The following EBF3 variants were observed in gnomAD, a reference collection of about 807,000 sequenced individuals.
EBF3 encodes EBF transcription factor 3.
In EBF3, 18 loss-of-function variants were observed where a neutral mutation model predicts 77.1. That is an observed-to-expected ratio of 0.23 (90% CI 0.16 to 0.35). The LOEUF (loss-of-function observed/expected upper bound fraction) is 0.35. Ranked by LOEUF, EBF3 falls within the 10% of genes least tolerant of loss-of-function variation. The pLI, the probability that EBF3 is intolerant of heterozygous loss-of-function variation, is 1.00. For synonymous variants in EBF3, 350 were observed against 343.5 expected (o/e 1.02, Z -0.21); for missense variants, 558 against 860.0 (o/e 0.65, Z 4.39).
chr10:129,929,766 A>G (rs1856886711), intron 6 of EBF3, among the ~76,000 whole-genome samples: 1 of 152,214 alleles, frequency 6.6e-6, no homozygotes, highest in African/African-American at 2.4e-5. Flanking sequence ...TTCTGCACCC[A>G]ACTCTGAGAG....
At chr10:129,921,251 C>T (rs79904181) in intron 6 of EBF3, among the ~76,000 whole-genome samples, 2,451 of 152,232 alleles carry the variant, frequency 0.016, 85 homozygotes, top group African/African-American at 0.056. Flanking sequence ...GCACGACTGA[C>T]GGCGGGGGTG....
chr10:129,862,319 G>T (rs762558096), intron 10 of EBF3, among the ~76,000 whole-genome samples: 9 of 152,102 alleles, frequency 5.9e-5, no homozygotes, highest in Non-Finnish European at 1.3e-4. Flanking sequence ...GCATCCCAGG[G>T]CTGGGAGCGG....
chr10:129,850,152 CAGGTT>C (rs1850762159), intron 10 of EBF3, among the ~76,000 whole-genome samples: 2 of 152,264 alleles, frequency 1.3e-5, no homozygotes, highest in Non-Finnish European at 2.9e-5. Flanking sequence ...TCTAACGTGT[CAGGTT>C]TCTCCTCTCC....
Position 129,963,997 on chromosome 10 carries a change from C to T in EBF3, c.-229G>A. 1.0e-6 allele frequency: 1 copy of T among 985,066 alleles called. No homozygotes were observed. The allele number at this position is 985,066 out of a possible 1,614,324, so 61.0% of individuals were successfully genotyped here. A position where few individuals can be genotyped will look rare whatever the true frequency, so the allele number is the denominator to read the frequency against. Reference sequence around the variant, plus strand: ...GGCGGCTCCACCGGCGGCGGCGGCGCTTCGAAGGAGCAGGACGCGGTGGCC... The same window carrying T: ...GGCGGCTCCACCGGCGGCGGCGGCGTTTCGAAGGAGCAGGACGCGGTGGCC... On this transcript the variant is annotated 5_prime_UTR_variant, in exon 1 of 17. Transcript: ENST00000440978. This position sits in a 1 kb window ranked among gnomAD's most constrained non-coding sequence, Gnocchi z 7.1.
chr10:129,891,916 C>A (rs539359645), intron 6 of EBF3, among the ~76,000 whole-genome samples: 3 of 152,342 alleles, frequency 2.0e-5, no homozygotes, highest in South Asian at 4.1e-4. Context: ...TCACTCTCCC[C>A]CAATTATCCG....
intron 6 of EBF3, among the ~76,000 whole-genome samples, chr10:129,888,151 G>GCATGCGT (rs1853744756): frequency 1.3e-5 from 2 of 152,230 alleles, no homozygotes; most frequent in South Asian, 2.1e-4. Context: ...GTTGCAGCGA[G>GCATGCGT]CATGCGTCAC....
At chr10:129,931,843 G>C (rs550484880) in intron 6 of EBF3, among the ~76,000 whole-genome samples, 150 of 152,318 alleles carry the variant, frequency 9.8e-4, no homozygotes, top group Non-Finnish European at 1.9e-3. Flanking sequence ...GACCAGGCAG[G>C]AGGGACCCTA....
At chr10:129,912,791 C>T (rs1484424267) in intron 6 of EBF3, among the ~76,000 whole-genome samples, 1 of 152,366 alleles carries the variant, frequency 6.6e-6, no homozygotes, top group Non-Finnish European at 1.5e-5. Context: ...GGATTTTAAA[C>T]TTCTCACTCT....
In EBF3 at chr10:129,867,121, A is replaced by G. The variant is rs1260697367; in HGVS notation, c.1039+20T>C. The G allele has an allele frequency of 6.2e-7, 1 of 1,609,074 alleles. No homozygotes were observed. The highest frequency in any genetic ancestry group is 8.5e-7 in the Non-Finnish European group (1 of 1,177,638). ...GAGGCCTCTACCGCTTTCCCGCAGA[A>G]GCTGGAGCTGTGAACTCACCGGTGT... is the stretch of plus-strand genomic sequence containing the variant. On this transcript the variant is annotated intron_variant, in intron 10 of 16. Coordinates refer to ENST00000440978, the MANE Select transcript of EBF3 (RefSeq NM_001375380.1).
rs1345325008 is a variant in EBF3, at chr10:129,943,509, G to A, written c.554+13749C>T. 6.6e-6 allele frequency among the ~76,000 whole-genome samples: 1 copy of A among 152,148 alleles called. No individual in the cohort carries two copies. Among genetic ancestry groups the A allele is most frequent in the African/African-American group, 2.4e-5 (1 of 41,410 alleles). The stretch of plus-strand genomic sequence containing the variant: ...GTAAACTTCTGGAGGTTAGAGATTG[G>A]ATAATTTCTTTCAGCTGGACCTGGC... On this transcript the variant is annotated intron_variant, in intron 6 of 16. Transcript: ENST00000440978. The surrounding 1 kb of genome is among the most constrained non-coding windows in gnomAD (Gnocchi z 8.8).
chr10:129,863,747 G>A lies in EBF3; in HGVS notation c.1039+3394C>T, dbSNP rs1589734126. 6.6e-6 allele frequency among the ~76,000 whole-genome samples: 1 copy of A among 152,174 alleles called. No individual in the cohort carries two copies. The highest frequency in any genetic ancestry group is 2.1e-4 in the South Asian group (1 of 4,826). On this transcript the variant is annotated intron_variant, in intron 10 of 16. Transcript: ENST00000440978. The surrounding 1 kb of genome is among the most constrained non-coding windows in gnomAD (Gnocchi z 4.0). ...ACCTCATTGTCCCCATCAATTTTGG[G>A]GCAATGCAAATCAGACAGAAGCTTC...
At chr10:129,865,285 T>C (rs537162187) in intron 10 of EBF3, among the ~76,000 whole-genome samples, 2 of 152,362 alleles carry the variant, frequency 1.3e-5, no homozygotes, top group South Asian at 2.1e-4. Context: ...GCAAAAGTTC[T>C]TAATTGTTGA....
At chr10:129,953,889 G>A (rs1248092707) in intron 6 of EBF3, among the ~76,000 whole-genome samples, 11 of 152,200 alleles carry the variant, frequency 7.2e-5, no homozygotes, top group African/African-American at 1.4e-4. Context: ...CAGCTACACC[G>A]ACATCCTGGA....
At chr10:129,850,688 G>C (rs1336078582) in intron 10 of EBF3, among the ~76,000 whole-genome samples, 1 of 152,182 alleles carries the variant, frequency 6.6e-6, no homozygotes, top group Non-Finnish European at 1.5e-5. Context: ...TTAAATTGCA[G>C]GAGGAATGAC....
chr10:129,945,279 T>C lies in EBF3; in HGVS notation c.554+11979A>G, dbSNP rs76262224. Among the ~76,000 whole-genome samples, 1,000 of 152,004 alleles carry C rather than the reference T, an allele frequency of 6.6e-3. 14 individuals carry two copies. The highest frequency in any genetic ancestry group is 0.023 in the African/African-American group (949 of 41,426). ...GCAAAGCACTCCAAAACCAAAGCTC[T>C]CCCCACATCAGTCTGTATAGGATTT... On this transcript the variant is annotated intron_variant, in intron 6 of 16. Coordinates refer to ENST00000440978, the MANE Select transcript of EBF3 (RefSeq NM_001375380.1).
At chr10:129,881,467 TA>T (rs1467092557) in intron 6 of EBF3, among the ~76,000 whole-genome samples, 1 of 152,160 alleles carries the variant, frequency 6.6e-6, no homozygotes, top group East Asian at 1.9e-4. Context: ...CAGCTCGAGA[TA>T]AACTGCTACA....
chr10:129,874,859 C>T (rs569123082), intron 7 of EBF3, among the ~76,000 whole-genome samples: 1 of 152,300 alleles, frequency 6.6e-6, no homozygotes, highest in African/African-American at 2.4e-5. Context: ...TGAATCGCGA[C>T]ACATCAGTGT....
intron 9 of EBF3, 83 bp from the exon 10 acceptor site, chr10:129,867,350 A>C (rs532776607): frequency 6.3e-7 from 1 of 1,575,076 alleles, no homozygotes; most frequent in Non-Finnish European, 8.6e-7. Flanking sequence ...TAATTACCAA[A>C]ATGAGCACAA....
rs546457866 is a variant in EBF3 at position 129,952,003 on chromosome 10, A to G, written c.554+5255T>C. Among the ~76,000 whole-genome samples the G allele has an allele frequency of 1.3e-5, 2 of 152,374 alleles. No homozygotes were observed. Among genetic ancestry groups the G allele is most frequent in the African/African-American group, 4.8e-5 (2 of 41,588 alleles). On this transcript the variant is annotated intron_variant, in intron 6 of 16. Transcript: ENST00000440978. The surrounding 1 kb of genome is among the most constrained non-coding windows in gnomAD (Gnocchi z 4.7). Reference sequence around the variant, plus strand: ...AGCCATTCACACCTGAGCCCGGCGAAGCCAAATGGGGCCGGTGCCAGCCAG... The same window carrying G: ...AGCCATTCACACCTGAGCCCGGCGAGGCCAAATGGGGCCGGTGCCAGCCAG...
Sources: allele counts gnomAD v4.1 joint callset (sites outside exome capture counted in the v4.1 genomes callset), GRCh38; gene constraint gnomAD v4.1.1; non-coding constraint Gnocchi (gnomAD v3.1); transcripts MANE v1.5; gene names NCBI Gene and HGNC (gene_info 2026-07-23, HGNC 2026-07-21).